Variants in TIPARP observed in about 807,000 individuals in gnomAD.
TIPARP encodes protein mono-ADP-ribosyltransferase TIPARP.
TIPARP carries 12 observed loss-of-function variants against 56.5 expected under a neutral mutation model. The observed-to-expected ratio is 0.21, with a 90% CI of 0.14 to 0.34. The LOEUF (loss-of-function observed/expected upper bound fraction) is 0.34. Among genes scored for constraint, TIPARP ranks in the 10% least tolerant of loss-of-function variants. The pLI, the probability that TIPARP is intolerant of heterozygous loss-of-function variation, is 1.00. For missense variants in TIPARP, 604 were observed against 781.6 expected (o/e 0.77, Z 2.71); for synonymous variants, 296 against 265.7 (o/e 1.11, Z -1.11).
chr3:156,705,090 G>A lies in TIPARP; in HGVS notation c.1933G>A (p.Val645Ile). The A allele has an allele frequency of 6.2e-7, 1 of 1,602,584 alleles. No individual in the cohort carries two copies. The highest frequency in any genetic ancestry group is 8.5e-7 in the Non-Finnish European group (1 of 1,173,648). The change falls in exon 6 of 6, where the codon GTT (valine) becomes ATT (isoleucine). Residue 645 changes from valine (V) to isoleucine (I), a missense_variant. Physicochemically the swap from Val to Ile is conservative, Grantham distance 29 (BLOSUM62 3). Transcript: ENST00000295924. ...TGATGACCAGAGTTACCCTTATTTTGTTATCCAATATGAAGAAGTCAGTAA... is the reference window on the plus strand; with the variant it reads ...TGATGACCAGAGTTACCCTTATTTTATTATCCAATATGAAGAAGTCAGTAA... ...FNDDQSYPYF[V>I]IQYEEVSNTV...
rs1268986814 is a variant in TIPARP at position 156,694,113 on chromosome 3, C to T, written c.1011C>T (p.Ser337=). The change falls in exon 3 of 6, where the codon AGC becomes AGT. Residue 337 remains serine (S), a synonymous_variant. Transcript: ENST00000295924. ...QLRRLSTPPS[S]NVNSIYHTVW... is the part of the protein sequence containing the mutation. Reference sequence around the variant, plus strand: ...GAAGGCTGTCCACACCACCCTCTAGCAATGTCAACTCTATTTACCACACAG... The same window carrying T: ...GAAGGCTGTCCACACCACCCTCTAGTAATGTCAACTCTATTTACCACACAG... 1.2e-6 allele frequency: 2 copies of T among 1,613,558 alleles called. No homozygotes were observed. Among genetic ancestry groups the T allele is most frequent in the Non-Finnish European group, 1.7e-6 (2 of 1,179,738 alleles).
intron 4 of TIPARP, among the ~76,000 whole-genome samples, chr3:156,696,914 T>C (rs78356710): frequency 2.0e-3 from 298 of 152,344 alleles, no homozygotes; most frequent in African/African-American, 6.2e-3. Context: ...TTCCTACTGT[T>C]TTTATTTTAG....
At chr3:156,694,872 C>T (rs1210726948) in intron 3 of TIPARP, among the ~76,000 whole-genome samples, 2 of 152,106 alleles carry the variant, frequency 1.3e-5, no homozygotes, top group African/African-American at 4.8e-5. Flanking sequence ...TCATTTCCAG[C>T]ATTACAAAAG....
intron 4 of TIPARP, among the ~76,000 whole-genome samples, chr3:156,697,196 C>G (rs1386167407): frequency 1.3e-5 from 2 of 152,144 alleles, no homozygotes; most frequent in African/African-American, 4.8e-5. Context: ...TTTACTAGCA[C>G]AGCTGGAGAT....
At chr3:156,677,592 A>G in intron 1 of TIPARP, 65 bp from the exon 2 acceptor site, 1 of 1,106,400 alleles carries the variant, frequency 9.0e-7, no homozygotes, top group Non-Finnish European at 1.3e-6. Context: ...AAAACATTTT[A>G]ATGAATGAAT....
rs1041023886 is a variant in TIPARP, at chr3:156,706,413, C to G, written c.*1282C>G. 6.6e-6 allele frequency: 1 copy of G among 152,644 alleles called. No homozygotes were observed. The highest frequency in any genetic ancestry group is 1.5e-5 in the Non-Finnish European group (1 of 68,030). 9.5% of individuals were successfully genotyped at this position (152,644 alleles called of 1,614,324 possible). On this transcript the variant is annotated 3_prime_UTR_variant, in exon 6 of 6. Coordinates refer to ENST00000295924, the MANE Select transcript of TIPARP (RefSeq NM_015508.5). ...GTTATATCATTTACACAAAACTTTT[C>G]AGGAACTTCTGTGTTGTTTAAGCAA...
Position 156,678,258 on chromosome 3 carries a change from C to A in TIPARP, c.561C>A (p.Gly187=). The change falls in exon 2 of 6, where the codon GGC becomes GGA. Residue 187 remains glycine (G), a synonymous_variant. Coordinates refer to ENST00000295924, the MANE Select transcript of TIPARP (RefSeq NM_015508.5). Reference sequence around the variant, plus strand: ...ACAAAGTCATAGATTATGTTCCAGGCATTTTCCAAGAAAACAGTTTTACAA... The same window carrying A: ...ACAAAGTCATAGATTATGTTCCAGGAATTTTCCAAGAAAACAGTTTTACAA... The part of the protein sequence containing the change: ...CLDKVIDYVP[G]IFQENSFTIQ... 6.2e-7 allele frequency: 1 copy of A among 1,614,168 alleles called. No individual in the cohort carries two copies. Among genetic ancestry groups the A allele is most frequent in the Non-Finnish European group, 8.5e-7 (1 of 1,180,038 alleles).
intron 2 of TIPARP, among the ~76,000 whole-genome samples, chr3:156,680,880 G>A (rs1373468169): frequency 1.3e-5 from 2 of 152,172 alleles, no homozygotes; most frequent in Non-Finnish European, 2.9e-5. Flanking sequence ...TGTGAGTGAA[G>A]TATTATAATT....
chr3:156,695,943 A>G lies in TIPARP; in HGVS notation c.1165A>G (p.Ile389Val), dbSNP rs767797746. ...ATTTATGATGTGGAATAACCACTAC[A>G]TCCTCCACAATTCATTCTTCAGGAG... The part of the protein sequence containing the change: ...VRFMMWNNHY[I>V]LHNSFFRREI... The change falls in exon 4 of 6, where the codon ATC (isoleucine) becomes GTC (valine). Residue 389 changes from isoleucine to valine, a missense_variant. This residue lies in a region of TIPARP where 252 missense variants were observed against 303.9 expected (regional missense o/e 0.83). Transcript: ENST00000295924. 16 of 1,611,806 alleles carry G rather than the reference A, an allele frequency of 9.9e-6. No homozygotes were observed. The highest frequency in any genetic ancestry group is 1.3e-5 in the Non-Finnish European group (15 of 1,179,518).
intron 4 of TIPARP, among the ~76,000 whole-genome samples, chr3:156,696,906 C>T (rs1191050851): frequency 6.6e-6 from 1 of 152,016 alleles, no homozygotes; most frequent in Non-Finnish European, 1.5e-5. Context: ...TTTTTATATT[C>T]CTACTGTTTT....
In TIPARP at chr3:156,694,020, A is replaced by C. The variant is rs757348647; in HGVS notation, c.918A>C (p.Gly306=). ...PENDRMRMKY[G]GQEFWADLNA... ...TTTTTTTGTTTTTGTTTTTTTTTAG[A>C]GGACAAGAATTTTGGGCAGATTTGA... The change falls in exon 3 of 6, where the codon GGA becomes GGC. Residue 306 remains glycine (G), a splice_region_variant and synonymous_variant. Coordinates refer to ENST00000295924, the MANE Select transcript of TIPARP (RefSeq NM_015508.5). The C allele has an allele frequency of 6.4e-7, 1 of 1,572,774 alleles. No individual in the cohort carries two copies. Among genetic ancestry groups the C allele is most frequent in the Non-Finnish European group, 8.6e-7 (1 of 1,166,894 alleles).
At chr3:156,677,480 G>A (rs1722163193) in intron 1 of TIPARP, among the ~76,000 whole-genome samples, 177 bp from the exon 2 acceptor site, 1 of 152,164 alleles carries the variant, frequency 6.6e-6, no homozygotes, top group Non-Finnish European at 1.5e-5. Context: ...ATAGCCTTGG[G>A]TGCTTTGGAG....
chr3:156,676,955 T>A (rs1722146100), intron 1 of TIPARP, among the ~76,000 whole-genome samples: 1 of 152,220 alleles, frequency 6.6e-6, no homozygotes, highest in African/African-American at 2.4e-5. Flanking sequence ...TTGTTGCTAA[T>A]GGGGCTTCTG....
chr3:156,696,587 A>G (rs115098364), intron 4 of TIPARP, among the ~76,000 whole-genome samples: 86 of 152,352 alleles, frequency 5.6e-4, no homozygotes, highest in African/African-American at 2.0e-3. Flanking sequence ...ATGTAAGGTT[A>G]GGACTGAACT....
At chr3:156,699,731 C>T (rs1722800098) in intron 4 of TIPARP, among the ~76,000 whole-genome samples, 1 of 152,056 alleles carries the variant, frequency 6.6e-6, no homozygotes. Flanking sequence ...TACAAGAGAA[C>T]AAAAATAGTT....
chr3:156,692,096 C>T (rs1338075476), intron 2 of TIPARP, among the ~76,000 whole-genome samples: 2 of 152,156 alleles, frequency 1.3e-5, no homozygotes, highest in Non-Finnish European at 2.9e-5. Flanking sequence ...ATAATGACTG[C>T]TGTTCTAAGA....
chr3:156,678,797 G>T (rs1343012163), intron 2 of TIPARP, among the ~76,000 whole-genome samples, 183 bp downstream of exon 2: 2 of 151,960 alleles, frequency 1.3e-5, no homozygotes, highest in African/African-American at 4.8e-5. Flanking sequence ...AACTCAACCG[G>T]ACAATGAAAG....
At chr3:156,679,559 A>G (rs1330989598) in intron 2 of TIPARP, among the ~76,000 whole-genome samples, 1 of 152,196 alleles carries the variant, frequency 6.6e-6, no homozygotes, top group Admixed American at 6.5e-5. Flanking sequence ...TTTGTGTATG[A>G]CCAAGAGTAA....
chr3:156,691,954 C>T (rs1722586702), intron 2 of TIPARP, among the ~76,000 whole-genome samples: 1 of 152,118 alleles, frequency 6.6e-6, no homozygotes, highest in Non-Finnish European at 1.5e-5. Flanking sequence ...AGATGTCTTT[C>T]TCATGCAAAT....
Sources: gnomAD v4.1 joint callset for allele counts (sites outside exome capture counted in the v4.1 genomes callset) on GRCh38, gnomAD v4.1.1 for gene constraint, gnomAD v4.1.1 regional missense constraint, MANE v1.5 for transcripts, NCBI Gene and HGNC (gene_info 2026-07-23, HGNC 2026-07-21) for gene names.